Variants in NELL2 observed in about 807,000 individuals in gnomAD.
The protein encoded by NELL2 is neural EGFL like 2.
A neutral mutation model predicts 109.6 loss-of-function variants in NELL2; 41 were observed. That is an observed-to-expected ratio of 0.37 (90% CI 0.29 to 0.49). The LOEUF (loss-of-function observed/expected upper bound fraction) is 0.49, where lower values mean the gene tolerates loss of function less well. NELL2 is among the 20% of genes least tolerant of loss of function. The probability of loss-of-function intolerance (pLI) is 0.98; values close to 1 mark genes in which losing one functional copy is unlikely to be tolerated. For missense variants in NELL2, 900 were observed against 1,008.3 expected, an observed-to-expected ratio of 0.89 and a Z score of 1.45; for synonymous variants, 355 against 344.7, an observed-to-expected ratio of 1.03 and a Z score of -0.33.
intron 13 of NELL2, among the ~76,000 whole-genome samples, chr12:44,624,994 G>A (rs1411852616): frequency 2.5e-5 from 3 of 118,700 alleles, no homozygotes; most frequent in Admixed American, 9.5e-5. Flanking sequence ...ATATATGTGT[G>A]TGTATATATA....
chr12:44,532,679 C>T lies in NELL2; in HGVS notation c.1706G>A (p.Arg569His), dbSNP rs139227921. ...CSDGFVQCDS[R>H]ANCINLPGWY... Reference sequence around the variant, plus strand: ...TCCAGGCAGGTTAATGCAATTAGCACGACTGTCACATTGAACAAAACCATC... The same window carrying T: ...TCCAGGCAGGTTAATGCAATTAGCATGACTGTCACATTGAACAAAACCATC... Residue 569 changes from arginine to histidine, a missense_variant, in exon 16 of 20, where the codon CGT becomes CAT. Arg to His is a conservative substitution (Grantham distance 29). Around this residue, in one of 4 missense-constraint regions of NELL2, gnomAD observed 333 missense variants for 432.3 expected, o/e 0.77. Transcript: ENST00000429094. 72 of 1,613,416 alleles carry T rather than the reference C, an allele frequency of 4.5e-5. No individual in the cohort carries two copies. Among genetic ancestry groups the T allele is most frequent in the African/African-American group, 3.7e-4 (28 of 74,956 alleles).
At chr12:44,645,857 A>G (rs1947076677) in intron 13 of NELL2, among the ~76,000 whole-genome samples, 1 of 152,056 alleles carries the variant, frequency 6.6e-6, no homozygotes, top group South Asian at 2.1e-4. Context: ...ACTCCAGCCA[A>G]TGTTTATCCA....
At chr12:44,782,591 A>T (rs1302492182) in intron 3 of NELL2, among the ~76,000 whole-genome samples, 1 of 151,936 alleles carries the variant, frequency 6.6e-6, no homozygotes, top group Admixed American at 6.6e-5. Flanking sequence ...GAAAGCAGAA[A>T]TGGCTATATT....
intron 15 of NELL2, among the ~76,000 whole-genome samples, chr12:44,596,973 A>G (rs1944990186): frequency 6.6e-6 from 1 of 152,232 alleles, no homozygotes; most frequent in Non-Finnish European, 1.5e-5. Context: ...TATAGCAAGA[A>G]GAATTTTAGA....
chr12:44,913,021 C>A (rs1368178590), intron 1 of NELL2, among the ~76,000 whole-genome samples: 1 of 152,122 alleles, frequency 6.6e-6, no homozygotes, highest in African/African-American at 2.4e-5. Flanking sequence ...TTTATAAAGT[C>A]CTTAGAAAAG....
At chr12:44,745,786 T>G (rs150108638) in intron 9 of NELL2, among the ~76,000 whole-genome samples, 4,020 of 152,054 alleles carry the variant, frequency 0.026, 177 homozygotes, top group African/African-American at 0.091. Flanking sequence ...CACTGCTCAA[T>G]GAAATAAAAG....
At chr12:44,719,846 GA>G (rs1245215294) in intron 9 of NELL2, among the ~76,000 whole-genome samples, 1 of 151,864 alleles carries the variant, frequency 6.6e-6, no homozygotes, top group Non-Finnish European at 1.5e-5. Context: ...TGTTGGATGA[GA>G]AAAAAACTCA....
At chr12:44,681,301 A>G (rs1948491914) in intron 12 of NELL2, among the ~76,000 whole-genome samples, 1 of 150,016 alleles carries the variant, frequency 6.7e-6, no homozygotes. Flanking sequence ...ACGTTGAAAC[A>G]CTGTATACGT....
intron 1 of NELL2, among the ~76,000 whole-genome samples, chr12:44,896,886 G>T (rs1482434925): frequency 6.6e-6 from 1 of 152,226 alleles, no homozygotes; most frequent in Admixed American, 6.5e-5. Flanking sequence ...GGCAAGAGAA[G>T]CCCTCAGCTG....
chr12:44,839,844 G>C (rs371569752), intron 2 of NELL2, among the ~76,000 whole-genome samples: 2 of 152,106 alleles, frequency 1.3e-5, no homozygotes, highest in Non-Finnish European at 2.9e-5. Flanking sequence ...TCTATCAGTT[G>C]GGCTTAGTTA....
At chr12:44,718,580 C>T (rs2136449666) in intron 9 of NELL2, among the ~76,000 whole-genome samples, 1 of 152,230 alleles carries the variant, frequency 6.6e-6, no homozygotes, top group East Asian at 1.9e-4. Flanking sequence ...GATTTCTACA[C>T]CTCCAATCAC....
chr12:44,893,243 C>T (rs1483735980), intron 1 of NELL2, among the ~76,000 whole-genome samples: 1 of 152,174 alleles, frequency 6.6e-6, no homozygotes, highest in Non-Finnish European at 1.5e-5. Context: ...CAATCTCTGA[C>T]TCCAACACCC....
intron 15 of NELL2, among the ~76,000 whole-genome samples, chr12:44,563,503 T>C (rs1040729158): frequency 3.3e-5 from 5 of 152,206 alleles, no homozygotes; most frequent in Non-Finnish European, 7.4e-5. Context: ...TAAGTCATCA[T>C]TCATCCATAG....
Position 44,777,022 on chromosome 12 carries a change from T to G in NELL2, c.762+20A>C, listed in dbSNP as rs1306423921. Reference sequence around the variant, plus strand: ...CAAGGATTTTTAAGCTTCCACACTGTATTCTTGAGTAGCTTTTACCTTGGC... The same window carrying G: ...CAAGGATTTTTAAGCTTCCACACTGGATTCTTGAGTAGCTTTTACCTTGGC... On this transcript the variant is annotated intron_variant, in intron 7 of 19. Transcript: ENST00000429094. 1 of 1,608,712 alleles carries G rather than the reference T, an allele frequency of 6.2e-7. No homozygotes were observed. Among genetic ancestry groups the G allele is most frequent in the South Asian group, 1.1e-5 (1 of 90,984 alleles).
intron 1 of NELL2, chr12:44,921,689 T>C (rs1592722692): frequency 6.6e-6 from 1 of 152,206 alleles, no homozygotes; most frequent in South Asian, 2.1e-4. Flanking sequence ...AGGTGGTGTT[T>C]GATAGGAAAA....
intron 9 of NELL2, among the ~76,000 whole-genome samples, chr12:44,747,064 G>A (rs1801379994): frequency 6.6e-6 from 1 of 152,248 alleles, no homozygotes; most frequent in African/African-American, 2.4e-5. Context: ...GTCCAACAAC[G>A]ATAGACTGGA....
At chr12:44,697,965 C>T (rs1409435483) in intron 12 of NELL2, among the ~76,000 whole-genome samples, 1 of 152,182 alleles carries the variant, frequency 6.6e-6, no homozygotes, top group Admixed American at 6.5e-5. Flanking sequence ...CCTCACCTAG[C>T]TGCTGGTGCT....
rs1941465943 is a variant in NELL2, at chr12:44,520,167, G to A, written c.2238C>T (p.Leu746=). 6.2e-7 allele frequency: 1 copy of A among 1,613,808 alleles called. No homozygotes were observed. The highest frequency in any genetic ancestry group is 1.1e-5 in the South Asian group (1 of 91,034). The change falls in exon 19 of 20, where the codon CTC becomes CTT. Residue 746 remains leucine, a synonymous_variant. Transcript: ENST00000429094. ...AGCGCGGGCAGCACTCATTCTCTGG[G>A]AGAATGCTGAATTCACACTCCACAT... ...CPDVECEFSI[L]PENECCPRCV...
chr12:44,903,684 T>C (rs1480417675), intron 1 of NELL2, among the ~76,000 whole-genome samples: 2 of 152,126 alleles, frequency 1.3e-5, no homozygotes, highest in African/African-American at 4.8e-5. Flanking sequence ...GTGGCACATA[T>C]GCACTGTAGA....
Sources: allele counts gnomAD v4.1 joint callset (sites outside exome capture counted in the v4.1 genomes callset), GRCh38; gene constraint gnomAD v4.1.1; regional missense constraint gnomAD v4.1.1; transcripts MANE v1.5; gene names NCBI Gene and HGNC (gene_info 2026-07-23, HGNC 2026-07-21).